DSCAM: variants seen among roughly 807,000 people sequenced by gnomAD.
DSCAM encodes the protein DS cell adhesion molecule, also known as cell adhesion molecule DSCAM.
In DSCAM, 47 loss-of-function variants were observed where a neutral mutation model predicts 217.7. The observed-to-expected ratio is 0.22, with a 90% confidence interval of 0.17 to 0.28. The LOEUF is 0.28. DSCAM is among the 10% of genes least tolerant of loss of function. DSCAM has a pLI of 1.00. For synonymous variants in DSCAM, 1,056 were observed against 1,015.3 expected (o/e 1.04, Z -0.76); for missense variants, 2,080 against 2,618.3 (o/e 0.79, Z 4.49).
At chr21:40,485,237 CTTTTTTTT>C (rs59901955) in intron 3 of DSCAM, among the ~76,000 whole-genome samples, 2 of 108,170 alleles carry the variant, frequency 1.8e-5, no homozygotes, top group South Asian at 6.0e-4. Flanking sequence ...GACTTTCTTT[CTTTTTTTT>C]TTTTTTTTTT....
At chr21:40,497,613 T>G (rs907062015) in intron 3 of DSCAM, among the ~76,000 whole-genome samples, 1 of 152,188 alleles carries the variant, frequency 6.6e-6, no homozygotes, top group African/African-American at 2.4e-5. Context: ...TTAGAGTAAA[T>G]TTGAAGTGTT....
intron 18 of DSCAM, among the ~76,000 whole-genome samples, chr21:40,139,263 C>T (rs1236423479): frequency 6.6e-6 from 1 of 151,884 alleles, no homozygotes; most frequent in Non-Finnish European, 1.5e-5. Flanking sequence ...CACAACACAG[C>T]TTCAGGAGGT....
chr21:40,792,296 G>A (rs1243899664), intron 1 of DSCAM, among the ~76,000 whole-genome samples: 1 of 151,786 alleles, frequency 6.6e-6, no homozygotes, highest in African/African-American at 2.4e-5. Flanking sequence ...GCGCCACCAC[G>A]CCTGGCTAAT....
intron 3 of DSCAM, among the ~76,000 whole-genome samples, chr21:40,536,630 T>C (rs1348556236): frequency 6.6e-6 from 1 of 152,096 alleles, no homozygotes; most frequent in East Asian, 1.9e-4. Context: ...ATGGTCTCGA[T>C]CTCCTGACCT....
chr21:40,235,598 A>C (rs2091421806), intron 11 of DSCAM, among the ~76,000 whole-genome samples: 1 of 152,092 alleles, frequency 6.6e-6, no homozygotes, highest in Non-Finnish European at 1.5e-5. Context: ...CACCACACCC[A>C]TGAGGGCCAA....
At position 40,085,732 on chromosome 21, in the gene DSCAM, C is replaced by T. The variant is rs201663569; in HGVS notation, c.4002G>A (p.Gly1334=). ...TTCCGTTGCTAAAGATGCTCCTCCG[C>T]CCATCAATCGTTACTAGACTGGGTG... is the stretch of plus-strand genomic sequence containing the variant. The part of the protein sequence containing the change: ...NGTPSLVTID[G]RRSIFSNGSF... The change falls in exon 23 of 33, where the codon GGG becomes GGA. Residue 1334 remains glycine (G), a synonymous_variant. Transcript: ENST00000400454. 1.3e-6 allele frequency: 2 copies of T among 1,578,600 alleles called. No individual in the cohort carries two copies. Among genetic ancestry groups the T allele is most frequent in the East Asian group, 2.3e-5 (1 of 44,202 alleles).
intron 11 of DSCAM, among the ~76,000 whole-genome samples, chr21:40,266,507 T>G (rs1193586774): frequency 6.6e-6 from 1 of 151,306 alleles, no homozygotes. Context: ...TGGGTATCTA[T>G]CCAAAGGAAA....
At chr21:40,087,354 C>T in intron 21 of DSCAM, 67 bp from the exon 22 acceptor site, 1 of 1,233,972 alleles carries the variant, frequency 8.1e-7, no homozygotes. Context: ...GCCAACATGA[C>T]CTACTCAATA....
chr21:40,427,562 C>A (rs1051410455), intron 3 of DSCAM, among the ~76,000 whole-genome samples: 3 of 152,216 alleles, frequency 2.0e-5, no homozygotes, highest in African/African-American at 7.2e-5. Context: ...CATTCAGAAT[C>A]CCTGGCCTTC....
chr21:40,261,650 T>TACACACACACACACACACA (rs373042306), intron 11 of DSCAM, among the ~76,000 whole-genome samples: 12 of 112,744 alleles, frequency 1.1e-4, no homozygotes, highest in African/African-American at 3.2e-4. Flanking sequence ...TCTCTCTCTC[T>TACACACACACACACACACA]CTACACACAC....
At chr21:40,353,367 T>G in intron 5 of DSCAM, 98 bp downstream of exon 5, 1 of 1,508,434 alleles carries the variant, frequency 6.6e-7, no homozygotes, top group Non-Finnish European at 8.9e-7. Context: ...GTTTTGGGAG[T>G]TAATGGAAAG....
intron 3 of DSCAM, among the ~76,000 whole-genome samples, chr21:40,665,492 C>T (rs2837771): frequency 0.38 from 58,052 of 151,926 alleles, 11,663 homozygotes; most frequent in Non-Finnish European, 0.45. Flanking sequence ...TTTCATTTTT[C>T]TTTAACCAAT....
intron 1 of DSCAM, among the ~76,000 whole-genome samples, chr21:40,760,556 G>C (rs1231194753): frequency 1.3e-5 from 2 of 152,138 alleles, no homozygotes; most frequent in East Asian, 3.9e-4. Flanking sequence ...GTAAGAATGG[G>C]CCATTTAACA....
intron 8 of DSCAM, among the ~76,000 whole-genome samples, chr21:40,314,011 C>T (rs966017311): frequency 2.3e-4 from 35 of 152,238 alleles, no homozygotes; most frequent in African/African-American, 8.4e-4. Flanking sequence ...GAAAACCATT[C>T]ATTCATTTAT....
At chr21:40,684,904 T>C (rs1400067041) in intron 3 of DSCAM, among the ~76,000 whole-genome samples, 1 of 152,222 alleles carries the variant, frequency 6.6e-6, no homozygotes, top group Non-Finnish European at 1.5e-5. Context: ...GCTGGCCATC[T>C]GTTTCCCATG....
chr21:40,603,852 C>A (rs1285572170), intron 3 of DSCAM, among the ~76,000 whole-genome samples: 2 of 149,172 alleles, frequency 1.3e-5, no homozygotes, highest in Non-Finnish European at 3.0e-5. Flanking sequence ...TGGCTTGTTT[C>A]AATATTGTCT....
At chr21:40,075,579 GA>G (rs1192831580) in intron 26 of DSCAM, among the ~76,000 whole-genome samples, 2 of 152,120 alleles carry the variant, frequency 1.3e-5, no homozygotes, top group Non-Finnish European at 2.9e-5. Flanking sequence ...GAGACTATTC[GA>G]AAAAATTGCA....
intron 1 of DSCAM, among the ~76,000 whole-genome samples, chr21:40,781,136 G>A (rs1461099226): frequency 6.6e-6 from 1 of 152,014 alleles, no homozygotes. Flanking sequence ...AGCCTCCAGA[G>A]TAGCTGGGAT....
intron 3 of DSCAM, among the ~76,000 whole-genome samples, chr21:40,618,262 A>G (rs1368602855): frequency 6.6e-5 from 10 of 152,210 alleles, no homozygotes; most frequent in Non-Finnish European, 1.5e-4. Flanking sequence ...AGGAATAAAT[A>G]CATTTTAAAA....
Sources: gnomAD v4.1 joint callset for allele counts (sites outside exome capture counted in the v4.1 genomes callset) on GRCh38, gnomAD v4.1.1 for gene constraint, MANE v1.5 for transcripts, NCBI Gene and HGNC (gene_info 2026-07-23, HGNC 2026-07-21) for gene names.